NPC1L1: variants seen among roughly 807,000 people sequenced by gnomAD.
The protein encoded by NPC1L1 is NPC1 like intracellular cholesterol transporter 1.
A neutral mutation model predicts 117.0 loss-of-function variants in NPC1L1; 98 were observed. The ratio of observed to expected loss-of-function variants is 0.84; its 90% confidence interval spans 0.71 to 0.99. NPC1L1 has a LOEUF of 0.99. Among genes scored for constraint, NPC1L1 ranks in the 50% least tolerant of loss-of-function variants. The pLI is 0.00. For missense variants in NPC1L1, 1,540 were observed against 1,710.0 expected, an observed-to-expected ratio of 0.90 and a Z score of 1.75; for synonymous variants, 729 against 727.6, an observed-to-expected ratio of 1.00 and a Z score of -0.03.
Position 44,539,717 on chromosome 7 carries a change from TG to T in NPC1L1, c.679del (p.Gln227ArgfsTer10). 6.2e-7 allele frequency: 1 copy of T among 1,614,062 alleles called. No homozygotes were observed. Among genetic ancestry groups the T allele is most frequent in the Non-Finnish European group, 8.5e-7 (1 of 1,180,022 alleles). On this transcript the variant is annotated frameshift_variant, in exon 2 of 19. Transcript: ENST00000381160. LOFTEE classifies it high-confidence loss of function. The surrounding 1 kb of genome is among the most constrained non-coding windows in gnomAD (Gnocchi z 4.4). ...AGGCTGAATCCCACTCCCCACGGCC[TG>T]GCCAGGCTCCAAGAGGTGGAAGGTG... ...DITFHLLEPG[Q>X]AVGSGIQPLN...
rs113685882 is a variant in NPC1L1, at chr7:44,517,285, C to T, written c.3209G>A (p.Arg1070Gln). ...AGCAGTGATGTTGGCTGCCAGCTCT[C>T]GAGCTGCCCGCAGAGCTTCTGTGTA... ...QDYTEALRAA[R>Q]ELAANITADL... Residue 1070 changes from arginine (R) to glutamine (Q), a missense_variant, in exon 15 of 19, where the codon CGA (arginine) becomes CAA (glutamine). Transcript: ENST00000381160. 3.1e-5 allele frequency: 50 copies of T among 1,614,046 alleles called. No homozygotes were observed. The highest frequency in any genetic ancestry group is 4.0e-5 in the Non-Finnish European group (47 of 1,180,030).
At position 44,517,310 on chromosome 7, in the gene NPC1L1, A is replaced by T. The variant is rs1801221761; in HGVS notation, c.3184T>A (p.Tyr1062Asn). 1 of 1,613,940 alleles carries T rather than the reference A, an allele frequency of 6.2e-7. No homozygotes were observed. The highest frequency in any genetic ancestry group is 1.3e-5 in the African/African-American group (1 of 74,924). ...YHKPLKNSQD[Y>N]TEALRAAREL... The stretch of plus-strand genomic sequence containing the variant: ...CGAGCTGCCCGCAGAGCTTCTGTGT[A>T]ATCCTGTGAGTTTTTCAGGGGCTTG... The change falls in exon 15 of 19, where the codon TAC (tyrosine) becomes AAC (asparagine). Residue 1062 changes from tyrosine (Y) to asparagine (N), a missense_variant. This residue lies in a region of NPC1L1 where 742 missense variants were observed against 873.6 expected (regional missense o/e 0.85). Coordinates refer to ENST00000381160, the MANE Select transcript of NPC1L1 (RefSeq NM_001101648.2).
At chr7:44,528,613 C>T (rs1563205983) in intron 10 of NPC1L1, among the ~76,000 whole-genome samples, 1 of 152,082 alleles carries the variant, frequency 6.6e-6, no homozygotes, top group Non-Finnish European at 1.5e-5. Context: ...TGTAAAATTT[C>T]ACTAGTAGCA....
intron 10 of NPC1L1, among the ~76,000 whole-genome samples, chr7:44,523,301 C>A (rs1801415498): frequency 6.6e-6 from 1 of 152,128 alleles, no homozygotes; most frequent in Non-Finnish European, 1.5e-5. Context: ...AGTGATCCAC[C>A]CGTCTCGGCC....
intron 14 of NPC1L1, 32 bp from the exon 15 acceptor site, chr7:44,517,389 G>A (rs1307566756): frequency 6.2e-7 from 1 of 1,605,794 alleles, no homozygotes; most frequent in Admixed American, 1.7e-5. Context: ...AAGATGGAAG[G>A]GCAAAGGTCA....
rs1216604380 is a variant in NPC1L1, at chr7:44,517,423, G to C, written c.3137-66C>G. The C allele has an allele frequency of 5.1e-6, 8 of 1,580,896 alleles. No individual in the cohort carries two copies. The East Asian group carries it at 1.8e-4, about 35-fold the overall frequency. ...CAGAGCCCTTTCCAGGACAACTTCA[G>C]AACACCGCAGACGCAGTGGCACAGG... On this transcript the variant is annotated intron_variant, in intron 14 of 18. Transcript: ENST00000381160.
chr7:44,525,450 GT>G (rs907897543), intron 10 of NPC1L1, among the ~76,000 whole-genome samples: 23 of 152,264 alleles, frequency 1.5e-4, no homozygotes, highest in African/African-American at 5.1e-4. Context: ...TAGAGATGGG[GT>G]TTCACCATGT....
chr7:44,523,581 A>G (rs990639699), intron 10 of NPC1L1, among the ~76,000 whole-genome samples: 2 of 152,180 alleles, frequency 1.3e-5, no homozygotes, highest in East Asian at 1.9e-4. Context: ...TCCACCAAAT[A>G]TCAGCTGGGC....
chr7:44,521,648 C>A (rs1488961227), intron 12 of NPC1L1, 64 bp downstream of exon 12: 1 of 1,612,670 alleles, frequency 6.2e-7, no homozygotes, highest in African/African-American at 1.3e-5. Context: ...CAGTCCTCTC[C>A]TTTCTGTTGC....
intron 18 of NPC1L1, among the ~76,000 whole-genome samples, chr7:44,514,890 G>A (rs2117016026): frequency 6.6e-6 from 1 of 151,794 alleles, no homozygotes; most frequent in South Asian, 2.1e-4. Context: ...GTGCGCACCT[G>A]TAATCCCAGC....
Position 44,538,870 on chromosome 7 carries a change from C to CA in NPC1L1, c.1526dup (p.Met510AspfsTer36). The CA allele has an allele frequency of 6.2e-7, 1 of 1,614,214 alleles. No homozygotes were observed. On this transcript the variant is annotated frameshift_variant, in exon 2 of 19. Transcript: ENST00000381160. LOFTEE classifies it high-confidence loss of function. This position sits in a 1 kb window ranked among gnomAD's most constrained non-coding sequence, Gnocchi z 5.9. ...AGTCGACTTGGGAGGTCTGCCCCAT[C>CA]AGTGTCTGGTTGGCTGTGAGCAGCA...
rs781340210 is a variant in NPC1L1, at chr7:44,534,325, C to T, written c.2166+122G>A. 5.7e-5 allele frequency: 52 copies of T among 916,034 alleles called. No individual in the cohort carries two copies. The highest frequency in any genetic ancestry group is 7.8e-5 in the Non-Finnish European group (43 of 547,972). The allele number at this position is 916,034 out of a possible 1,614,324, so 56.7% of individuals were successfully genotyped here. On this transcript the variant is annotated intron_variant, in intron 6 of 18. Transcript: ENST00000381160. This position sits in a 1 kb window ranked among gnomAD's most constrained non-coding sequence, Gnocchi z 5.2. ...CTACAGATATTGTAAACATGCGTGT[C>T]GATGAACAGAAAGAGTCTGCAGGGA...
rs1801154682 is a variant in NPC1L1 at position 44,515,426 on chromosome 7, T to C, written c.3796+377A>G. On this transcript the variant is annotated intron_variant, in intron 18 of 18. Coordinates refer to ENST00000381160, the MANE Select transcript of NPC1L1 (RefSeq NM_001101648.2). ...TGCTTCACATGTATAAAGGAAGTAT[T>C]AATATTATTTAGTGAAGCATTTGTT... Among the ~76,000 whole-genome samples the C allele has an allele frequency of 2.0e-5, 3 of 152,182 alleles. No individual in the cohort carries two copies. In the South Asian group the frequency reaches 6.2e-4, roughly 32 times the overall value.
chr7:44,522,182 C>T lies in NPC1L1; in HGVS notation c.2698G>A (p.Val900Met). ...LNRYFEVGAP[V>M]YFVTTLGYNF... Reference sequence around the variant, plus strand: ...TAGCCCAAGGTGGTAACAAAGTACACCGGGGCCCCCACCTCGAAGTAGCGG... The same window carrying T: ...TAGCCCAAGGTGGTAACAAAGTACATCGGGGCCCCCACCTCGAAGTAGCGG... The change falls in exon 11 of 19, where the codon GTG becomes ATG. Residue 900 changes from valine (V) to methionine (M), a missense_variant. Physicochemically the swap from Val to Met is conservative, Grantham distance 21 (BLOSUM62 1). Transcript: ENST00000381160. The T allele has an allele frequency of 6.2e-7, 1 of 1,613,900 alleles. No homozygotes were observed. Among genetic ancestry groups the T allele is most frequent in the Non-Finnish European group, 8.5e-7 (1 of 1,179,938 alleles).
chr7:44,516,956 T>C (rs1185520365), intron 15 of NPC1L1, 22 bp from the exon 16 acceptor site: 17 of 1,603,330 alleles, frequency 1.1e-5, no homozygotes, highest in Non-Finnish European at 1.1e-5. Flanking sequence ...CAGAGCATGG[T>C]CACAGGCTCA....
Position 44,540,092 on chromosome 7 carries a change from C to G in NPC1L1, c.305G>C (p.Ser102Thr), listed in dbSNP as rs1301221492. ...GAGGAGGGCCTTGGTGATCGACAGA[C>G]TCGCTTCCAGTGATACCAGCTGCTT... ...SAKQLVSLEA[S>T]LSITKALLTR... The change falls in exon 2 of 19, where the codon AGT becomes ACT. Residue 102 changes from serine to threonine, a missense_variant. Ser to Thr is a moderately conservative substitution (Grantham distance 58, BLOSUM62 1). Transcript: ENST00000381160. The G allele has an allele frequency of 6.2e-7, 1 of 1,614,178 alleles. No individual in the cohort carries two copies. Among genetic ancestry groups the G allele is most frequent in the Non-Finnish European group, 8.5e-7 (1 of 1,180,032 alleles).
At position 44,539,043 on chromosome 7, in the gene NPC1L1, G is replaced by A. The variant is rs780069027; in HGVS notation, c.1354C>T (p.Arg452Trp). The A allele has an allele frequency of 1.1e-5, 17 of 1,613,934 alleles. No individual in the cohort carries two copies. The highest frequency in any genetic ancestry group is 3.3e-5 in the Admixed American group (2 of 59,992). The change falls in exon 2 of 19, where the codon CGG becomes TGG. Residue 452 changes from arginine to tryptophan, a missense_variant. Physicochemically the swap from Arg to Trp is moderately radical, Grantham distance 101. Coordinates refer to ENST00000381160, the MANE Select transcript of NPC1L1 (RefSeq NM_001101648.2). This position sits in a 1 kb window ranked among gnomAD's most constrained non-coding sequence, Gnocchi z 4.4. The stretch of plus-strand genomic sequence containing the variant: ...TCGGGCGACCATACCTGGAGGTGCC[G>A]CAGCCTCTCCTGCAGCTCTAGCAGC... ...LELLELQERL[R>W]HLQVWSPEAQ... is the part of the protein sequence containing the mutation.
At chr7:44,525,665 GGTT>G (rs1801491884) in intron 10 of NPC1L1, among the ~76,000 whole-genome samples, 1 of 151,434 alleles carries the variant, frequency 6.6e-6, no homozygotes, top group African/African-American at 2.4e-5. Flanking sequence ...TTGAGCCCAG[GGTT>G]TCAAGTCCAT....
At chr7:44,529,070 C>CA (rs60170693) in intron 10 of NPC1L1, among the ~76,000 whole-genome samples, 4,049 of 114,424 alleles carry the variant, frequency 0.035, 130 homozygotes, top group East Asian at 0.13. Flanking sequence ...GGCTCCATCT[C>CA]AAAAAAAAAA....
Sources: allele counts gnomAD v4.1 joint callset (sites outside exome capture counted in the v4.1 genomes callset), GRCh38; gene constraint gnomAD v4.1.1; regional missense constraint gnomAD v4.1.1; non-coding constraint Gnocchi (gnomAD v3.1); transcripts MANE v1.5; gene names NCBI Gene and HGNC (gene_info 2026-07-23, HGNC 2026-07-21).